DCHS2: variants seen among roughly 807,000 people sequenced by gnomAD.
DCHS2 encodes protocadherin-23.
A neutral mutation model predicts 182.4 loss-of-function variants in DCHS2; 142 were observed. The ratio of observed to expected loss-of-function variants is 0.78; its 90% CI spans 0.68 to 0.89. The LOEUF (loss-of-function observed/expected upper bound fraction) is 0.89. Among genes scored for constraint, DCHS2 ranks in the 40% least tolerant of loss-of-function variants. The pLI is 0.00. For synonymous variants in DCHS2, 1,740 were observed against 1,663.3 expected, an observed-to-expected ratio of 1.05 and a Z score of -1.12; for missense variants, 4,319 against 4,198.6, an observed-to-expected ratio of 1.03 and a Z score of -0.79.
At chr4:154,436,633 A>T (rs910893795) in intron 1 of DCHS2, among the ~76,000 whole-genome samples, 2 of 152,196 alleles carry the variant, frequency 1.3e-5, no homozygotes, top group Non-Finnish European at 2.9e-5. Context: ...TATACTGTAA[A>T]CATGTATTTG....
chr4:154,454,383 A>G lies in DCHS2; in HGVS notation c.2052+34921T>C, dbSNP rs555317362. Among the ~76,000 whole-genome samples, 157 of 152,226 alleles carry G rather than the reference A, an allele frequency of 1.0e-3. 1 individual carries two copies. Among genetic ancestry groups the G allele is most frequent in the African/African-American group, 3.6e-3 (149 of 41,546 alleles). On this transcript the variant is annotated intron_variant, in intron 1 of 19. Transcript: ENST00000357232. ...CTCAGCCTCCCAAGTAGCTGAAACC[A>G]CAGGTGTACGCCATCATGCTCAGTT...
chr4:154,311,997 T>C (rs1413308385), intron 10 of DCHS2, among the ~76,000 whole-genome samples: 1 of 151,814 alleles, frequency 6.6e-6, no homozygotes, highest in African/African-American at 2.4e-5. Context: ...ATATTTATAA[T>C]AGAATTTTTT....
At chr4:154,299,841 C>G (rs1215440644) in intron 12 of DCHS2, among the ~76,000 whole-genome samples, 1 of 152,106 alleles carries the variant, frequency 6.6e-6, no homozygotes, top group Admixed American at 6.6e-5. Flanking sequence ...AAAGGAAAGG[C>G]TGGTCAATAC....
rs778826915 is a variant in DCHS2 at position 154,298,648 on chromosome 4, C to T, written c.5666G>A (p.Arg1889His). 27 of 1,613,384 alleles carry T rather than the reference C, an allele frequency of 1.7e-5. No homozygotes were observed. The highest frequency in any genetic ancestry group is 1.6e-4 in the Middle Eastern group (1 of 6,076). Reference protein sequence around the residue: ...NEMSGELSTTRALDREQISNF... With the variant: ...NEMSGELSTTHALDREQISNF... ...GCTGATTTGCTCCCGGTCCAAAGCA[C>T]GAGTGGTTGAGAGTTCTCCTGACAT... Residue 1889 changes from arginine (R) to histidine (H), a missense_variant, in exon 13 of 20, where the codon CGT (arginine) becomes CAT (histidine). Arg to His is a conservative substitution (Grantham distance 29). Coordinates refer to ENST00000357232, the MANE Select transcript of DCHS2 (RefSeq NM_001358235.2).
At chr4:154,421,502 C>T (rs1309039878) in intron 1 of DCHS2, among the ~76,000 whole-genome samples, 1 of 152,172 alleles carries the variant, frequency 6.6e-6, no homozygotes, top group Non-Finnish European at 1.5e-5. Flanking sequence ...TTAAGCGATT[C>T]TCCTGCCTCA....
At chr4:154,287,562 A>T (rs1346123560) in intron 13 of DCHS2, among the ~76,000 whole-genome samples, 4 of 151,904 alleles carry the variant, frequency 2.6e-5, no homozygotes, top group Admixed American at 1.3e-4. Flanking sequence ...CTCACTGCAA[A>T]CTCCGCCTCC....
chr4:154,308,818 C>T (rs1735558595), intron 10 of DCHS2, among the ~76,000 whole-genome samples: 1 of 152,132 alleles, frequency 6.6e-6, no homozygotes, highest in South Asian at 2.1e-4. Context: ...CCTCATGGTG[C>T]TTACAATATA....
intron 17 of DCHS2, 80 bp from the exon 18 acceptor site, chr4:154,240,903 A>G (rs1027449026): frequency 3.3e-6 from 5 of 1,522,090 alleles, no homozygotes; most frequent in Admixed American, 1.9e-5. Flanking sequence ...CCATCCAAGT[A>G]TTTTTATTCT....
chr4:154,431,779 C>T (rs1733568846), intron 1 of DCHS2, among the ~76,000 whole-genome samples: 1 of 152,150 alleles, frequency 6.6e-6, no homozygotes, highest in Non-Finnish European at 1.5e-5. Context: ...CTCCATGGGC[C>T]TTCAGCCTTC....
chr4:154,417,250 A>AGAGAGT (rs1251129848), intron 1 of DCHS2, among the ~76,000 whole-genome samples: 2 of 139,890 alleles, frequency 1.4e-5, no homozygotes, highest in African/African-American at 5.5e-5. Flanking sequence ...AGAGAGAGAG[A>AGAGAGT]GACCAGTCAG....
At chr4:154,459,904 A>G (rs1734943585) in intron 1 of DCHS2, among the ~76,000 whole-genome samples, 1 of 152,128 alleles carries the variant, frequency 6.6e-6, no homozygotes, top group South Asian at 2.1e-4. Flanking sequence ...TACTAATCTA[A>G]TACTTAGGTA....
intron 1 of DCHS2, among the ~76,000 whole-genome samples, chr4:154,467,712 C>T (rs575311923): frequency 1.3e-4 from 19 of 151,994 alleles, no homozygotes; most frequent in Admixed American, 2.6e-4. Flanking sequence ...GAATGCATGA[C>T]GAAAATTACA....
intron 7 of DCHS2, among the ~76,000 whole-genome samples, chr4:154,327,233 C>T (rs545903371): frequency 1.8e-3 from 267 of 152,190 alleles, no homozygotes; most frequent in Non-Finnish European, 3.1e-3. Flanking sequence ...AGTAAAACAC[C>T]GCAAAACTTA....
chr4:154,413,616 T>C (rs906518183), intron 1 of DCHS2, among the ~76,000 whole-genome samples: 1 of 152,204 alleles, frequency 6.6e-6, no homozygotes, highest in Non-Finnish European at 1.5e-5. Flanking sequence ...CCTTACCATC[T>C]GACTTCCAGT....
intron 3 of DCHS2, chr4:154,355,715 G>A (rs1010664627): frequency 6.6e-6 from 1 of 152,020 alleles, no homozygotes; most frequent in Non-Finnish European, 1.5e-5. Context: ...ACTTACGATG[G>A]TGGTCCCATA....
At chr4:154,360,541 C>T (rs926650222) in intron 3 of DCHS2, among the ~76,000 whole-genome samples, 3 of 152,106 alleles carry the variant, frequency 2.0e-5, no homozygotes, top group African/African-American at 7.2e-5. Context: ...AACAGGCTCA[C>T]ATCCCTTATG....
chr4:154,307,807 A>C (rs1404285165), intron 10 of DCHS2, among the ~76,000 whole-genome samples: 1 of 152,104 alleles, frequency 6.6e-6, no homozygotes, highest in Non-Finnish European at 1.5e-5. Flanking sequence ...TCTTCCATTC[A>C]GGTCTCCTAC....
rs1054862706 is a variant in DCHS2 at position 154,488,046 on chromosome 4, C to T, written c.2052+1258G>A. On this transcript the variant is annotated intron_variant, in intron 1 of 19. Coordinates refer to ENST00000357232, the MANE Select transcript of DCHS2 (RefSeq NM_001358235.2). Reference sequence around the variant, plus strand: ...TTTAAAAATTAGCTAGCCATGTTGGCGCATGCCTGTGCTTGCAGCTACTTG... The same window carrying T: ...TTTAAAAATTAGCTAGCCATGTTGGTGCATGCCTGTGCTTGCAGCTACTTG... Among the ~76,000 whole-genome samples the T allele has an allele frequency of 4.6e-5, 7 of 152,086 alleles. No individual in the cohort carries two copies. In the South Asian group the frequency reaches 6.2e-4, roughly 14 times the overall value.
At chr4:154,323,437 C>A in intron 7 of DCHS2, 2 of 1,454,152 alleles carry the variant, frequency 1.4e-6, no homozygotes, top group South Asian at 2.8e-5. Flanking sequence ...GCAAGCTATC[C>A]TCACACCTTG....
Sources: allele counts gnomAD v4.1 joint callset (sites outside exome capture counted in the v4.1 genomes callset), GRCh38; gene constraint gnomAD v4.1.1; transcripts MANE v1.5; gene names NCBI Gene and HGNC (gene_info 2026-07-23, HGNC 2026-07-21).